RUVBL1: variants seen among roughly 807,000 people sequenced by gnomAD.
The protein encoded by RUVBL1 is RuvB like AAA ATPase 1, also known as ruvB-like 1.
Under a neutral mutation model 52.4 loss-of-function variants are expected in RUVBL1, and 4 were observed. The ratio of observed to expected loss-of-function variants is 0.08; its 90% CI spans 0.04 to 0.17. The LOEUF (loss-of-function observed/expected upper bound fraction) is 0.17. RUVBL1 is among the 10% of genes least tolerant of loss of function. RUVBL1 has a pLI of 1.00. For missense variants in RUVBL1, 298 were observed against 572.8 expected (o/e 0.52, Z 4.90); for synonymous variants, 217 against 214.4 (o/e 1.01, Z -0.10).
At position 128,067,043 on chromosome 3, in the gene RUVBL1, C is replaced by T; in HGVS notation, c.940-1823G>A. 1.2e-6 allele frequency: 2 copies of T among 1,614,200 alleles called. No individual in the cohort carries two copies. On this transcript the variant is annotated intron_variant, in intron 9 of 9. Coordinates refer to the RUVBL1 transcript ENST00000464873. This position sits in a 1 kb window ranked among gnomAD's most constrained non-coding sequence, Gnocchi z 4.1. Reference sequence around the variant, plus strand: ...TCAAGCTCTTCTATACGTCCAACATCCCCATCATCCTGCAGTCTGCCCTGG... The same window carrying T: ...TCAAGCTCTTCTATACGTCCAACATTCCCATCATCCTGCAGTCTGCCCTGG...
At chr3:128,130,152 G>A (rs1255090216) in intron 1 of RUVBL1, among the ~76,000 whole-genome samples, 2 of 152,116 alleles carry the variant, frequency 1.3e-5, no homozygotes, top group African/African-American at 4.8e-5. Flanking sequence ...TCTTTAGCTA[G>A]ATTGACTAAG....
At chr3:128,126,073 T>C (rs951909213), upstream of RUVBL1, among the ~76,000 whole-genome samples, 1 of 152,206 alleles carries the variant, frequency 6.6e-6, no homozygotes, top group Non-Finnish European at 1.5e-5. Context: ...GATTACTTGG[T>C]CTAGTGGTTT....
Position 128,082,347 on chromosome 3 carries a change from A to G in RUVBL1, c.1211+136T>C, listed in dbSNP as rs936461862. 1 of 661,840 alleles carries G rather than the reference A, an allele frequency of 1.5e-6. No individual in the cohort carries two copies. Among genetic ancestry groups the G allele is most frequent in the Non-Finnish European group, 2.7e-6 (1 of 374,202 alleles). The allele number at this position is 661,840 out of a possible 1,614,324, so 41.0% of individuals were successfully genotyped here. ...GCATTTGAAACTCAAGTGCCCTGGC[A>G]CCCATCGCGCCAGGAAGAGCGGATG... On this transcript the variant is annotated intron_variant, in intron 10 of 10. Coordinates refer to ENST00000322623, the MANE Select transcript of RUVBL1 (RefSeq NM_003707.3). This position sits in a 1 kb window ranked among gnomAD's most constrained non-coding sequence, Gnocchi z 4.7.
intron 8 of RUVBL1, among the ~76,000 whole-genome samples, chr3:128,090,396 G>A (rs1192580936): frequency 6.6e-6 from 1 of 152,186 alleles, no homozygotes; most frequent in Non-Finnish European, 1.5e-5. Context: ...GCGGGCGCCT[G>A]TAGTCCCAGC....
At chr3:128,069,342 G>A (rs1942083446) in intron 9 of RUVBL1, 3 of 827,562 alleles carry the variant, frequency 3.6e-6, no homozygotes, top group Non-Finnish European at 5.7e-6. Flanking sequence ...TAGCATGTTA[G>A]TAGATGACTT....
At chr3:128,128,051 CATAA>C (rs1477395851), upstream of RUVBL1, among the ~76,000 whole-genome samples, 121 of 143,508 alleles carry the variant, frequency 8.4e-4, no homozygotes, top group African/African-American at 2.4e-3. Flanking sequence ...TACATACATA[CATAA>C]ATACATAAAC....
exon 10 of RUVBL1, chr3:128,065,046 A>C: frequency 6.2e-7 from 1 of 1,614,128 alleles, no homozygotes; most frequent in African/African-American, 1.3e-5. Context: ...AGGTGTGTCC[A>C]GATCCAACCC....
chr3:128,153,575 T>A, exon 1 of RUVBL1: 2 of 1,551,680 alleles, frequency 1.3e-6, no homozygotes, highest in Non-Finnish European at 8.6e-7. Context: ...AAGACGGCGC[T>A]GGCGCGGGCG....
Position 128,100,591 on chromosome 3 carries a change from G to C in RUVBL1, c.753+4C>G. 6.3e-7 allele frequency: 1 copy of C among 1,598,534 alleles called. No individual in the cohort carries two copies. Among genetic ancestry groups the C allele is most frequent in the Non-Finnish European group, 8.5e-7 (1 of 1,173,720 alleles). ...GCCAGATCACCCAGGCATCGAGGCA[G>C]TACCTGGGGCCGCGCATTAGCCACA... is the stretch of plus-strand genomic sequence containing the variant. On this transcript the variant is annotated splice_donor_region_variant and intron_variant, in intron 6 of 10. Transcript: ENST00000322623.
intron 9 of RUVBL1, chr3:128,066,863 G>A (rs1275809140): frequency 4.8e-6 from 6 of 1,247,242 alleles, no homozygotes; most frequent in Non-Finnish European, 5.7e-6. Context: ...CTCCCTTGTG[G>A]CCCACTGGAC....
chr3:128,130,203 G>C (rs894810644), intron 1 of RUVBL1, among the ~76,000 whole-genome samples: 1 of 151,834 alleles, frequency 6.6e-6, no homozygotes, highest in Admixed American at 6.6e-5. Context: ...AGAAATTACA[G>C]CAGGAACATT....
At position 128,101,519 on chromosome 3, in the gene RUVBL1, A is replaced by T. The variant is rs1242498918; in HGVS notation, c.603+40T>A. 20 of 1,592,010 alleles carry T rather than the reference A, an allele frequency of 1.3e-5. No individual in the cohort carries two copies. The East Asian group carries it at 4.5e-4, about 36-fold the overall frequency. ...TGTCACTTAGGTCTTCTCATGGCAA[A>T]CAAATCAGGGACAATGCTGTGTCCC... On this transcript the variant is annotated intron_variant, in intron 5 of 10. Transcript: ENST00000322623.
At chr3:128,072,771 T>C (rs1393454047) in intron 9 of RUVBL1, among the ~76,000 whole-genome samples, 1 of 152,146 alleles carries the variant, frequency 6.6e-6, no homozygotes, top group Non-Finnish European at 1.5e-5. Flanking sequence ...GCCTCAGGTA[T>C]TCGTTTGCAC....
intron 1 of RUVBL1, among the ~76,000 whole-genome samples, chr3:128,147,777 T>C (rs1029277407): frequency 6.6e-6 from 1 of 152,232 alleles, no homozygotes; most frequent in Non-Finnish European, 1.5e-5. Flanking sequence ...AAACTTATGT[T>C]GGCATAAAAC....
chr3:128,089,628 A>C (rs1942767593), intron 8 of RUVBL1, among the ~76,000 whole-genome samples: 1 of 152,254 alleles, frequency 6.6e-6, no homozygotes. Context: ...AATAAAATGC[A>C]AACAAAATAC....
intron 8 of RUVBL1, among the ~76,000 whole-genome samples, chr3:128,096,139 C>T (rs986347110): frequency 7.2e-5 from 11 of 152,190 alleles, no homozygotes; most frequent in Admixed American, 3.3e-4. Flanking sequence ...TTTGTCCCCA[C>T]ACTACTCTAT....
chr3:128,152,792 T>A (rs1944246496), intron 1 of RUVBL1, among the ~76,000 whole-genome samples: 1 of 149,950 alleles, frequency 6.7e-6, no homozygotes, highest in South Asian at 2.1e-4. Flanking sequence ...CAAGATTTAT[T>A]GTGAAGAGCA....
Position 128,067,337 on chromosome 3 carries a change from T to C in RUVBL1, c.940-2117A>G. ...GTGGGCACCGAGTAAAATTGCATTC[T>C]TTCATCTGCTCAGAACTATTTTTGC... On this transcript the variant is annotated intron_variant, in intron 9 of 9. Coordinates refer to the RUVBL1 transcript ENST00000464873. This position sits in a 1 kb window ranked among gnomAD's most constrained non-coding sequence, Gnocchi z 4.1. 1 of 1,445,262 alleles carries C rather than the reference T, an allele frequency of 6.9e-7. No homozygotes were observed. The highest frequency in any genetic ancestry group is 2.0e-5 in the Admixed American group (1 of 49,048). The allele number at this position is 1,445,262 out of a possible 1,614,324, so 89.5% of individuals were successfully genotyped here.
chr3:128,138,947 C>T (rs1943982640), intron 1 of RUVBL1, among the ~76,000 whole-genome samples: 2 of 152,106 alleles, frequency 1.3e-5, no homozygotes, highest in South Asian at 4.1e-4. Context: ...CAAGAACATA[C>T]ACTGGTGAAA....
Sources: gnomAD v4.1 joint callset for allele counts (sites outside exome capture counted in the v4.1 genomes callset) on GRCh38, gnomAD v4.1.1 for gene constraint, Gnocchi (gnomAD v3.1) non-coding constraint, MANE v1.5 for transcripts, NCBI Gene and HGNC (gene_info 2026-07-23, HGNC 2026-07-21) for gene names.